TTC28: variants seen among roughly 807,000 people sequenced by gnomAD.
The protein encoded by TTC28 is tetratricopeptide repeat protein 28.
Under a neutral mutation model 198.0 loss-of-function variants are expected in TTC28, and 61 were observed. The observed-to-expected ratio is 0.31, with a 90% CI of 0.25 to 0.38. The LOEUF is 0.38. Among genes scored for constraint, TTC28 ranks in the 10% least tolerant of loss-of-function variants. The probability of loss-of-function intolerance (pLI) is 1.00; values close to 1 mark genes in which losing one functional copy is unlikely to be tolerated. For synonymous variants in TTC28, 1,171 were observed against 1,297.8 expected (o/e 0.90, Z 2.10); for missense variants, 2,678 against 3,164.0 (o/e 0.85, Z 3.69).
rs1924777158 is a variant in TTC28, at chr22:28,191,689, T to A, written c.934-28090A>T. On this transcript the variant is annotated intron_variant, in intron 5 of 22. Coordinates refer to ENST00000397906, the MANE Select transcript of TTC28 (RefSeq NM_001145418.2). The stretch of plus-strand genomic sequence containing the variant: ...TCCTATGCCCACGGAGCCTTGCTCA[T>A]TGCTAGCGCAGCAGTCTGAGATCAA... Among the ~76,000 whole-genome samples, 4 of 152,316 alleles carry A rather than the reference T, an allele frequency of 2.6e-5. No homozygotes were observed. The South Asian group carries it at 6.2e-4, about 24-fold the overall frequency.
chr22:28,265,179 T>G (rs1931601083), intron 5 of TTC28, among the ~76,000 whole-genome samples: 1 of 152,178 alleles, frequency 6.6e-6, no homozygotes, highest in African/African-American at 2.4e-5. Context: ...TTACAAAAAT[T>G]TGCATATTTT....
At chr22:28,514,218 T>C (rs1425567482) in intron 2 of TTC28, among the ~76,000 whole-genome samples, 2 of 152,230 alleles carry the variant, frequency 1.3e-5, no homozygotes, top group Non-Finnish European at 2.9e-5. Flanking sequence ...TTAGAGCATG[T>C]CTTAAATAAT....
At chr22:28,552,381 CCCAAAATTCATATGGAA>C (rs1178504609) in intron 2 of TTC28, among the ~76,000 whole-genome samples, 1 of 151,974 alleles carries the variant, frequency 6.6e-6, no homozygotes. Flanking sequence ...GAAAAAAAAT[CCCAAAATTCATATGGAA>C]CCAAAAAAGA....
chr22:28,585,161 C>G (rs1169678959), intron 2 of TTC28, among the ~76,000 whole-genome samples: 1 of 152,132 alleles, frequency 6.6e-6, no homozygotes, highest in African/African-American at 2.4e-5. Context: ...TTCAATGGAC[C>G]TGGGGCTGGG....
intron 2 of TTC28, among the ~76,000 whole-genome samples, chr22:28,589,547 A>G (rs925923563): frequency 2.6e-5 from 4 of 152,160 alleles, no homozygotes; most frequent in Admixed American, 6.6e-5. Context: ...TTGACTGCCC[A>G]CATTGTGGAT....
At chr22:28,122,748 T>C (rs927228484) in intron 6 of TTC28, among the ~76,000 whole-genome samples, 3 of 152,226 alleles carry the variant, frequency 2.0e-5, no homozygotes, top group Non-Finnish European at 2.9e-5. Flanking sequence ...TCATTCGTTA[T>C]AGATTTAAGG....
At chr22:28,405,454 T>C (rs2046985396) in intron 2 of TTC28, among the ~76,000 whole-genome samples, 1 of 152,168 alleles carries the variant, frequency 6.6e-6, no homozygotes, top group African/African-American at 2.4e-5. Flanking sequence ...CAAATAGCTA[T>C]AGCAGAAGGT....
intron 2 of TTC28, among the ~76,000 whole-genome samples, chr22:28,456,097 T>C (rs896562827): frequency 6.7e-6 from 1 of 150,262 alleles, no homozygotes; most frequent in Non-Finnish European, 1.5e-5. Context: ...AGGTGGAGGT[T>C]GCAGTGAGCC....
intron 12 of TTC28, among the ~76,000 whole-genome samples, chr22:28,056,610 A>ATTTG (rs10672010): frequency 0.9 from 136,911 of 151,994 alleles, 61,952 homozygotes; most frequent in East Asian, 1. Context: ...GCCATAATAC[A>ATTTG]TTTATGGTTT....
rs1569065020 is a variant in TTC28, at chr22:27,983,206, T to A, written c.6461A>T (p.Asn2154Ile). The A allele has an allele frequency of 6.4e-7, 1 of 1,551,814 alleles. No homozygotes were observed. The highest frequency in any genetic ancestry group is 2.0e-5 in the Admixed American group (1 of 51,002). ...DSTVKSQEES[N>I]PKLDPQELAQ... ...TAACTCTTGTGGATCCAGTTTTGGG[T>A]TGCTTTCTTCTTGGGATTTCACGGT... The change falls in exon 23 of 23, where the codon AAC becomes ATC. Residue 2154 changes from asparagine to isoleucine, a missense_variant. Around this residue, in one of 8 missense-constraint regions of TTC28, gnomAD observed 622 missense variants for 656.0 expected, o/e 0.95. Transcript: ENST00000397906.
At chr22:28,395,816 G>A (rs2046807071) in intron 2 of TTC28, among the ~76,000 whole-genome samples, 1 of 152,068 alleles carries the variant, frequency 6.6e-6, no homozygotes, top group Admixed American at 6.5e-5. Context: ...TAAACACCAT[G>A]CACCCAAGGT....
chr22:28,366,131 T>C (rs193140679), intron 2 of TTC28, among the ~76,000 whole-genome samples: 1 of 152,356 alleles, frequency 6.6e-6, no homozygotes, highest in East Asian at 1.9e-4. Flanking sequence ...TATTTTCCTC[T>C]ATCATTTACT....
chr22:28,180,035 A>T (rs1923552615), intron 5 of TTC28, among the ~76,000 whole-genome samples: 1 of 152,222 alleles, frequency 6.6e-6, no homozygotes, highest in Non-Finnish European at 1.5e-5. Flanking sequence ...GCCTGGTAGT[A>T]ATTTATCTTT....
At chr22:28,541,240 G>A (rs188947564) in intron 2 of TTC28, among the ~76,000 whole-genome samples, 2 of 152,300 alleles carry the variant, frequency 1.3e-5, no homozygotes, top group African/African-American at 4.8e-5. Flanking sequence ...AACGTGTGAT[G>A]CCTGAGAGAA....
chr22:28,619,415 A>C (rs576188053), intron 2 of TTC28, among the ~76,000 whole-genome samples: 1 of 152,344 alleles, frequency 6.6e-6, no homozygotes, highest in African/African-American at 2.4e-5. Flanking sequence ...AAGTACTAGC[A>C]GACTTCACTT....
Position 28,163,140 on chromosome 22 carries a change from C to T in TTC28, c.1393G>A (p.Glu465Lys). 5 of 1,551,732 alleles carry T rather than the reference C, an allele frequency of 3.2e-6. No homozygotes were observed. The highest frequency in any genetic ancestry group is 4.4e-6 in the Non-Finnish European group (5 of 1,146,992). ...QYHEQQLGIA[E>K]DLKDRAAEGR... is the part of the protein sequence containing the mutation. ...TCTGCAGCCCGGTCCTTGAGATCCT[C>T]AGCAATGCCCAGCTGCTGCTCATGG... The change falls in exon 6 of 23, where the codon GAG becomes AAG. Residue 465 changes from glutamate (E) to lysine (K), a missense_variant. Glu to Lys is a moderately conservative substitution (Grantham distance 56, BLOSUM62 1). This residue lies in a region of TTC28 where 775 missense variants were observed against 845.9 expected (regional missense o/e 0.92). Coordinates refer to ENST00000397906, the MANE Select transcript of TTC28 (RefSeq NM_001145418.2).
At position 27,998,676 on chromosome 22, in the gene TTC28, T is replaced by C; in HGVS notation, c.4983A>G (p.Pro1661=). The C allele has an allele frequency of 6.4e-7, 1 of 1,550,898 alleles. No homozygotes were observed. The highest frequency in any genetic ancestry group is 8.7e-7 in the Non-Finnish European group (1 of 1,147,002). Residue 1661 remains proline (P), a synonymous_variant, in exon 16 of 23, where the codon CCA becomes CCG. Coordinates refer to ENST00000397906, the MANE Select transcript of TTC28 (RefSeq NM_001145418.2). ...QCVLVSLWPV[P]VAASKMFIHA... is the part of the protein sequence containing the mutation. ...GGATGAACATCTTAGAAGCAGCCAC[T>C]GGCACAGGCCACAGAGACACGAGGA...
chr22:28,177,971 A>G (rs1923325212), intron 5 of TTC28, among the ~76,000 whole-genome samples: 1 of 152,172 alleles, frequency 6.6e-6, no homozygotes, highest in Non-Finnish European at 1.5e-5. Flanking sequence ...CAATACAAAG[A>G]GTGAACCCTA....
intron 2 of TTC28, among the ~76,000 whole-genome samples, chr22:28,400,128 C>A (rs1215621990): frequency 1.3e-5 from 2 of 152,190 alleles, no homozygotes; most frequent in African/African-American, 4.8e-5. Context: ...ACAATCTTCA[C>A]CTTTCCATTT....
Sources: gnomAD v4.1 joint callset for allele counts (sites outside exome capture counted in the v4.1 genomes callset) on GRCh38, gnomAD v4.1.1 for gene constraint, gnomAD v4.1.1 regional missense constraint, MANE v1.5 for transcripts, NCBI Gene and HGNC (gene_info 2026-07-23, HGNC 2026-07-21) for gene names.